The following OPCML variants were observed in gnomAD, a reference collection of about 807,000 sequenced individuals.
OPCML encodes opioid-binding protein/cell adhesion molecule.
OPCML carries 13 observed loss-of-function variants against 37.8 expected under a neutral mutation model. The ratio of observed to expected loss-of-function variants is 0.34; its 90% CI spans 0.22 to 0.55. The LOEUF (loss-of-function observed/expected upper bound fraction) is 0.55, where lower values mean the gene tolerates loss of function less well. Ranked by LOEUF, OPCML falls within the 20% of genes least tolerant of loss-of-function variation. The probability of loss-of-function intolerance (pLI) is 0.91; values close to 1 mark genes in which losing one functional copy is unlikely to be tolerated. For synonymous variants in OPCML, 176 were observed against 168.8 expected (o/e 1.04, Z -0.33); for missense variants, 341 against 435.6 (o/e 0.78, Z 1.93).
rs1303762941 is a variant in OPCML at position 132,577,047 on chromosome 11, C to A, written c.380-47861G>T. 2.0e-5 allele frequency among the ~76,000 whole-genome samples: 3 copies of A among 152,176 alleles called. No individual in the cohort carries two copies. In the East Asian group the frequency reaches 5.8e-4, roughly 29 times the overall value. ...CTTGGGTCTCTTCCTGGTTGTAAGG[C>A]CCTGTGTCAGGTACAGGGACTCCAG... On this transcript the variant is annotated intron_variant, in intron 3 of 7. Coordinates refer to ENST00000524381, the MANE Select transcript of OPCML (RefSeq NM_001012393.5).
chr11:133,355,364 A>T (rs1026705069), intron 1 of OPCML, among the ~76,000 whole-genome samples: 1 of 152,216 alleles, frequency 6.6e-6, no homozygotes, highest in Non-Finnish European at 1.5e-5. Context: ...CTGAGTCATA[A>T]TACAAGTCTA....
chr11:133,192,159 G>A (rs758697730), intron 1 of OPCML, among the ~76,000 whole-genome samples: 6 of 152,290 alleles, frequency 3.9e-5, no homozygotes, highest in South Asian at 4.1e-4. Flanking sequence ...GTCTTTGTTC[G>A]TTTAGCAAAG....
At chr11:133,258,688 G>T (rs1355858755) in intron 1 of OPCML, among the ~76,000 whole-genome samples, 1 of 152,190 alleles carries the variant, frequency 6.6e-6, no homozygotes, top group East Asian at 1.9e-4. Context: ...TTCTGCAAAG[G>T]CCTCCTGGGG....
intron 1 of OPCML, among the ~76,000 whole-genome samples, chr11:133,152,252 A>G (rs1949997003): frequency 6.6e-6 from 1 of 151,978 alleles, no homozygotes; most frequent in Non-Finnish European, 1.5e-5. Context: ...TGATTCCCCT[A>G]CCACTCAGCT....
In OPCML at chr11:133,206,896, G is replaced by A. The variant is rs1277928292; in HGVS notation, c.62-263886C>T. ...AGGACGGGTAGGTGGAGGGAGCCTG[G>A]GATCACCAATGACTGAGAAGCGAGG... is the stretch of plus-strand genomic sequence containing the variant. On this transcript the variant is annotated intron_variant, in intron 1 of 7. Transcript: ENST00000524381. The surrounding 1 kb of genome is among the most constrained non-coding windows in gnomAD (Gnocchi z 4.7). Among the ~76,000 whole-genome samples, 1 of 152,082 alleles carries A rather than the reference G, an allele frequency of 6.6e-6. No individual in the cohort carries two copies. Among genetic ancestry groups the A allele is most frequent in the African/African-American group, 2.4e-5 (1 of 41,404 alleles).
rs1280870466 is a variant in OPCML at position 132,943,705 on chromosome 11, C to T, written c.62-695G>A. 2.0e-5 allele frequency: 3 copies of T among 151,892 alleles called. No homozygotes were observed. The highest frequency in any genetic ancestry group is 2.9e-5 in the Non-Finnish European group (2 of 68,044). 9.4% of individuals were successfully genotyped at this position (151,892 alleles called of 1,614,324 possible). ...GCCGGCGCAGCCAGGGTCGTCCGGT[C>T]GGTGGCCGTCCTCTGCAGCCCGGTC... On this transcript the variant is annotated intron_variant, in intron 1 of 7. Coordinates refer to ENST00000524381, the MANE Select transcript of OPCML (RefSeq NM_001012393.5). This position sits in a 1 kb window ranked among gnomAD's most constrained non-coding sequence, Gnocchi z 4.3.
intron 3 of OPCML, among the ~76,000 whole-genome samples, chr11:132,626,984 C>T (rs1297554323): frequency 6.6e-6 from 1 of 151,582 alleles, no homozygotes; most frequent in African/African-American, 2.4e-5. Flanking sequence ...AAACACATCA[C>T]ACCTGCCAAC....
chr11:132,656,979 G>C, intron 3 of OPCML, 108 bp downstream of exon 3: 2 of 1,507,860 alleles, frequency 1.3e-6, no homozygotes, highest in Non-Finnish European at 1.8e-6. Context: ...GAATTCAGTA[G>C]AGGAAGATGA....
At chr11:133,189,456 C>T (rs1938216371) in intron 1 of OPCML, among the ~76,000 whole-genome samples, 1 of 152,124 alleles carries the variant, frequency 6.6e-6, no homozygotes, top group Non-Finnish European at 1.5e-5. Flanking sequence ...GAAAAGTGGA[C>T]TCTTAATTAG....
intron 1 of OPCML, among the ~76,000 whole-genome samples, chr11:133,239,108 G>T (rs2136404953): frequency 6.6e-6 from 1 of 152,330 alleles, no homozygotes; most frequent in African/African-American, 2.4e-5. Context: ...CAGGTGTGCA[G>T]GGGAAGGGTG....
At chr11:133,030,985 T>A (rs1440589879) in intron 1 of OPCML, among the ~76,000 whole-genome samples, 1 of 152,222 alleles carries the variant, frequency 6.6e-6, no homozygotes, top group African/African-American at 2.4e-5. Flanking sequence ...TACTGTTTCT[T>A]CGTGTTCCCT....
At chr11:133,100,796 C>A (rs1949074225) in intron 1 of OPCML, among the ~76,000 whole-genome samples, 1 of 152,150 alleles carries the variant, frequency 6.6e-6, no homozygotes, top group African/African-American at 2.4e-5. Context: ...ATCCTTATAC[C>A]TTTTGCCAAA....
At chr11:133,435,669 T>G (rs1804988402) in intron 1 of OPCML, among the ~76,000 whole-genome samples, 1 of 152,228 alleles carries the variant, frequency 6.6e-6, no homozygotes, top group Non-Finnish European at 1.5e-5. Flanking sequence ...AAAGGCATTT[T>G]ATGTGGACGA....
chr11:133,179,137 G>T (rs1212646784), intron 1 of OPCML, among the ~76,000 whole-genome samples: 1 of 152,068 alleles, frequency 6.6e-6, no homozygotes, highest in Non-Finnish European at 1.5e-5. Context: ...TCTAATTTTT[G>T]TCTATGTGGC....
intron 3 of OPCML, among the ~76,000 whole-genome samples, chr11:132,623,236 G>C (rs1046352503): frequency 2.0e-5 from 3 of 152,088 alleles, no homozygotes; most frequent in African/African-American, 7.2e-5. Flanking sequence ...AGTTTATTAA[G>C]AAGTGTGACT....
At chr11:132,662,284 T>A (rs1942008216) in intron 2 of OPCML, among the ~76,000 whole-genome samples, 1 of 152,170 alleles carries the variant, frequency 6.6e-6, no homozygotes, top group Non-Finnish European at 1.5e-5. Context: ...AACCACTCAC[T>A]GCCTTAAAGA....
At position 132,901,969 on chromosome 11, in the gene OPCML, T is replaced by A. The variant is rs1591778136; in HGVS notation, c.146+40957A>T. ...AAGAACCACCAACAGGATGATGAACTCCCCCCACCACCGGTGTTTGCGTCA... is the reference window on the plus strand; with the variant it reads ...AAGAACCACCAACAGGATGATGAACACCCCCCACCACCGGTGTTTGCGTCA... On this transcript the variant is annotated intron_variant, in intron 2 of 7. Coordinates refer to ENST00000524381, the MANE Select transcript of OPCML (RefSeq NM_001012393.5). Among the ~76,000 whole-genome samples, 5 of 152,228 alleles carry A rather than the reference T, an allele frequency of 3.3e-5. 1 individual carries two copies. The highest frequency in any genetic ancestry group is 3.3e-4 in the Admixed American group (5 of 15,280).
At chr11:133,387,325 C>T (rs1328279565) in intron 1 of OPCML, among the ~76,000 whole-genome samples, 1 of 152,142 alleles carries the variant, frequency 6.6e-6, no homozygotes, top group Non-Finnish European at 1.5e-5. Flanking sequence ...TTTATTTGGC[C>T]ACTTCACAAA....
chr11:133,053,249 G>GC (rs1252597364), intron 1 of OPCML, among the ~76,000 whole-genome samples: 1 of 152,188 alleles, frequency 6.6e-6, no homozygotes, highest in Non-Finnish European at 1.5e-5. Flanking sequence ...GATGGAGACT[G>GC]CTTGGCACAG....
Sources: allele counts gnomAD v4.1 joint callset (sites outside exome capture counted in the v4.1 genomes callset), GRCh38; gene constraint gnomAD v4.1.1; non-coding constraint Gnocchi (gnomAD v3.1); transcripts MANE v1.5; gene names NCBI Gene and HGNC (gene_info 2026-07-23, HGNC 2026-07-21).